TGM2: variants seen among roughly 807,000 people sequenced by gnomAD.
The protein encoded by TGM2 is protein-glutamine gamma-glutamyltransferase 2.
In TGM2, 53 loss-of-function variants were observed where a neutral mutation model predicts 75.6. The ratio of observed to expected loss-of-function variants is 0.70; its 90% CI spans 0.56 to 0.88. TGM2 has a LOEUF of 0.88. Among genes scored for constraint, TGM2 ranks in the 40% least tolerant of loss-of-function variants. The pLI is 0.00. For synonymous variants in TGM2, 374 were observed against 381.1 expected, an observed-to-expected ratio of 0.98 and a Z score of 0.22; for missense variants, 842 against 928.5, an observed-to-expected ratio of 0.91 and a Z score of 1.21.
chr20:38,130,471 C>T (rs910772807), intron 12 of TGM2, 102 bp from the exon 13 acceptor site: 11 of 1,313,694 alleles, frequency 8.4e-6, no homozygotes, highest in South Asian at 2.8e-5. Flanking sequence ...ATCAGCACAG[C>T]GTGTCCATGA....
At chr20:38,155,229 A>G (rs1488794583) in intron 3 of TGM2, among the ~76,000 whole-genome samples, 6 of 152,230 alleles carry the variant, frequency 3.9e-5, no homozygotes, top group Admixed American at 3.9e-4. Context: ...GGGCTTTTGA[A>G]ACCAAGTCAC....
rs914997304 is a variant in TGM2, at chr20:38,151,710, G to A, written c.434-653C>T. 4.9e-4 allele frequency among the ~76,000 whole-genome samples: 74 copies of A among 152,190 alleles called. 1 individual carries two copies. Among genetic ancestry groups the A allele is most frequent in the Non-Finnish European group, 1.6e-4 (11 of 68,030 alleles). On this transcript the variant is annotated intron_variant, in intron 3 of 12. Coordinates refer to ENST00000361475, the MANE Select transcript of TGM2 (RefSeq NM_004613.4). ...CTGTCCAGCTTGAGAGAGTTACAGA[G>A]GGCTCCCTGGAGGAGGTGGCATCTG...
At chr20:38,142,945 C>T (rs900568285) in intron 6 of TGM2, among the ~76,000 whole-genome samples, 1 of 152,232 alleles carries the variant, frequency 6.6e-6, no homozygotes, top group African/African-American at 2.4e-5. Context: ...AGGCTGCCTG[C>T]CAGGTTCAGG....
chr20:38,131,997 C>T (rs937574282), intron 11 of TGM2, among the ~76,000 whole-genome samples: 1 of 152,026 alleles, frequency 6.6e-6, no homozygotes, highest in Non-Finnish European at 1.5e-5. Flanking sequence ...AGACTCTAGT[C>T]TGTGCCCTTC....
rs769155372 is a variant in TGM2, at chr20:38,132,651, G to T, written c.1616-151C>A. On this transcript the variant is annotated intron_variant, in intron 10 of 12. Transcript: ENST00000361475. ...GCGGATCCCTGAACTCCCCACTGTG[G>T]CTCCAGGGTTCCCAGCGAGGAGCTG... 2.4e-5 allele frequency: 26 copies of T among 1,082,686 alleles called. No homozygotes were observed. The African/African-American group carries it at 2.5e-4, about 10-fold the overall frequency. 67.1% of individuals were successfully genotyped at this position (1,082,686 alleles called of 1,614,324 possible).
intron 12 of TGM2, among the ~76,000 whole-genome samples, chr20:38,130,780 C>T (rs1051202607): frequency 1.3e-5 from 2 of 152,234 alleles, no homozygotes; most frequent in East Asian, 3.8e-4. Flanking sequence ...TATGTGTGTG[C>T]ATGCTCATGT....
intron 10 of TGM2, among the ~76,000 whole-genome samples, chr20:38,134,832 C>T (rs1282759185): frequency 6.6e-6 from 1 of 152,210 alleles, no homozygotes; most frequent in Non-Finnish European, 1.5e-5. Flanking sequence ...CACGGAAATT[C>T]CCCAGATCTT....
Position 38,161,427 on chromosome 20 carries a change from G to A in TGM2, c.183C>T (p.Val61=), listed in dbSNP as rs765557325. 2.0e-5 allele frequency: 33 copies of A among 1,613,980 alleles called. No individual in the cohort carries two copies. The highest frequency in any genetic ancestry group is 1.6e-4 in the Middle Eastern group (1 of 6,082). Residue 61 remains valine (V), a synonymous_variant, in exon 2 of 13, where the codon GTC becomes GTT. Transcript: ENST00000361475. The part of the protein sequence containing the change: ...EASVDSLTFS[V]VTGPAPSQEA... ...GGGGTTGCAGGTACTCACCGGTCAC[G>A]ACACTGAAGGTGAGACTGTCTACAC...
chr20:38,130,504 T>C (rs772575721), intron 12 of TGM2, 135 bp from the exon 13 acceptor site: 18 of 973,168 alleles, frequency 1.8e-5, no homozygotes, highest in Middle Eastern at 3.2e-4. Context: ...CTCGGCCCTC[T>C]GCGGGGCCTG....
At chr20:38,146,002 G>A (rs893519742) in intron 6 of TGM2, 7 of 151,938 alleles carry the variant, frequency 4.6e-5, no homozygotes, top group African/African-American at 7.3e-5. Context: ...TCAAACTCCC[G>A]GCCTCAAGCA....
At chr20:38,141,221 C>CT in intron 8 of TGM2, 61 bp downstream of exon 8, 1 of 1,428,178 alleles carries the variant, frequency 7.0e-7, no homozygotes, top group South Asian at 1.2e-5. Flanking sequence ...AGCTGAGTCA[C>CT]TTTAACTCTC....
upstream of TGM2, chr20:38,165,495 A>G: frequency 1.9e-6 from 1 of 529,156 alleles, no homozygotes; most frequent in Non-Finnish European, 3.3e-6. Context: ...CCCAGGATAC[A>G]GACACACCTG....
At chr20:38,146,592 A>C (rs538109975) in intron 6 of TGM2, 125 bp downstream of exon 6, 2 of 1,161,824 alleles carry the variant, frequency 1.7e-6, no homozygotes, top group Non-Finnish European at 2.5e-6. Flanking sequence ...GCTCTAGGCC[A>C]CATAGCGCAT....
chr20:38,153,826 C>A (rs2075148469), intron 3 of TGM2, among the ~76,000 whole-genome samples: 1 of 152,034 alleles, frequency 6.6e-6, no homozygotes, highest in Non-Finnish European at 1.5e-5. Flanking sequence ...CCTTCTCTCC[C>A]CTTTTTTGGA....
chr20:38,139,805 G>T, intron 8 of TGM2, 151 bp from the exon 9 acceptor site: 1 of 1,037,964 alleles, frequency 9.6e-7, no homozygotes, highest in South Asian at 1.6e-5. Context: ...GGGCACCACA[G>T]GGCAAGGGTT....
rs1208437031 is a variant in TGM2 at position 38,129,352 on chromosome 20, T to G, written c.*867A>C. 1.3e-5 allele frequency: 2 copies of G among 152,120 alleles called. No individual in the cohort carries two copies. Among genetic ancestry groups the G allele is most frequent in the Non-Finnish European group, 2.9e-5 (2 of 68,052 alleles). The allele number at this position is 152,120 out of a possible 1,614,324, so 9.4% of individuals were successfully genotyped here. On this transcript the variant is annotated 3_prime_UTR_variant, in exon 13 of 13. Transcript: ENST00000361475. ...TCTCTACCTCCTTGTCTTGGCTGAGTCTTTTTTTGATAAAGGCCCCAGACA... is the reference window on the plus strand; with the variant it reads ...TCTCTACCTCCTTGTCTTGGCTGAGGCTTTTTTTGATAAAGGCCCCAGACA...
chr20:38,153,437 A>C (rs778681932), intron 3 of TGM2, among the ~76,000 whole-genome samples: 2 of 151,600 alleles, frequency 1.3e-5, no homozygotes, highest in Non-Finnish European at 2.9e-5. Flanking sequence ...AGGCATGAGA[A>C]TCATTTCAAC....
chr20:38,146,804 C>T lies in TGM2; in HGVS notation c.772G>A (p.Val258Met), dbSNP rs1248319574. 23 of 1,613,976 alleles carry T rather than the reference C, an allele frequency of 1.4e-5. No homozygotes were observed. Among genetic ancestry groups the T allele is most frequent in the Non-Finnish European group, 1.7e-5 (20 of 1,179,962 alleles). The part of the protein sequence containing the change: ...GVSPMSWIGS[V>M]DILRRWKNHG... ...TTCTTCCAGCGCCGCAGGATGTCCA[C>T]GCTGCCGATCCAGGACATGGGGCTG... Residue 258 changes from valine to methionine, a missense_variant, in exon 6 of 13, where the codon GTG (valine) becomes ATG (methionine). Val to Met is a conservative substitution (Grantham distance 21). Coordinates refer to ENST00000361475, the MANE Select transcript of TGM2 (RefSeq NM_004613.4).
intron 6 of TGM2, chr20:38,146,491 A>G (rs2075045735): frequency 3.1e-6 from 2 of 655,258 alleles, no homozygotes; most frequent in Admixed American, 2.3e-5. Context: ...CTCAGCCCTG[A>G]GCCCATGCAG....
Sources: gnomAD v4.1 joint callset for allele counts (sites outside exome capture counted in the v4.1 genomes callset) on GRCh38, gnomAD v4.1.1 for gene constraint, MANE v1.5 for transcripts, NCBI Gene and HGNC (gene_info 2026-07-23, HGNC 2026-07-21) for gene names.